Variants in MYO6 observed in about 807,000 individuals in gnomAD.
The protein encoded by MYO6 is unconventional myosin-VI.
In MYO6, 74 loss-of-function variants were observed where a neutral mutation model predicts 178.7. The ratio of observed to expected loss-of-function variants is 0.41; its 90% CI spans 0.34 to 0.50. MYO6 has a LOEUF of 0.50. MYO6 is among the 20% of genes least tolerant of loss of function. The pLI is 0.09. For synonymous variants in MYO6, 477 were observed against 504.6 expected, an observed-to-expected ratio of 0.95 and a Z score of 0.73; for missense variants, 1,330 against 1,547.4, an observed-to-expected ratio of 0.86 and a Z score of 2.36.
intron 2 of MYO6, among the ~76,000 whole-genome samples, chr6:75,820,898 CTA>C (rs1312708007): frequency 6.6e-6 from 1 of 152,114 alleles, no homozygotes; most frequent in Non-Finnish European, 1.5e-5. Flanking sequence ...CCCTACTAGA[CTA>C]TGTAATCTTC....
Position 75,895,257 on chromosome 6 carries a change from C to T in MYO6, c.3134C>T (p.Thr1045Ile), listed in dbSNP as rs765061352. 2.7e-5 allele frequency: 43 copies of T among 1,605,616 alleles called. No homozygotes were observed. Among genetic ancestry groups the T allele is most frequent in the Admixed American group, 6.7e-5 (4 of 59,922 alleles). Residue 1045 changes from threonine (T) to isoleucine (I), a missense_variant, in exon 29 of 35, where the codon ACA (threonine) becomes ATA (isoleucine). Thr to Ile is a moderately conservative substitution (Grantham distance 89, BLOSUM62 -1). Around this residue, in one of 3 missense-constraint regions of MYO6, gnomAD observed 601 missense variants for 626.1 expected, o/e 0.96. Coordinates refer to ENST00000369977, the MANE Select transcript of MYO6 (RefSeq NM_004999.4). ...AATGATGGAACAAGACCCAAAATGACACCGTATGTCACTTACCTTTACCTT... is the reference window on the plus strand; with the variant it reads ...AATGATGGAACAAGACCCAAAATGATACCGTATGTCACTTACCTTTACCTT... ...RRNDGTRPKMTPEQMAKEMSE... is the reference protein window; with the variant it reads ...RRNDGTRPKMIPEQMAKEMSE...
chr6:75,883,204 T>C (rs186735448), intron 23 of MYO6, among the ~76,000 whole-genome samples: 1 of 149,956 alleles, frequency 6.7e-6, no homozygotes, highest in Admixed American at 6.6e-5. Flanking sequence ...AATTAAAAAA[T>C]GCTAACAATT....
chr6:75,806,239 T>C (rs1043806498), intron 1 of MYO6, among the ~76,000 whole-genome samples: 3 of 151,932 alleles, frequency 2.0e-5, no homozygotes, highest in Non-Finnish European at 2.9e-5. Flanking sequence ...ACAAAAAAAT[T>C]AGCTGGATGT....
At chr6:75,758,441 G>T (rs1056114426) in intron 1 of MYO6, among the ~76,000 whole-genome samples, 1 of 151,998 alleles carries the variant, frequency 6.6e-6, no homozygotes, top group African/African-American at 2.4e-5. Context: ...AAATTAGATT[G>T]TAATGACTGT....
At chr6:75,829,264 A>G (rs879705889) in intron 4 of MYO6, among the ~76,000 whole-genome samples, 1 of 152,308 alleles carries the variant, frequency 6.6e-6, no homozygotes. Context: ...TTAACCTAGT[A>G]TGTTTTAATT....
intron 31 of MYO6, 22 bp downstream of exon 31, chr6:75,907,730 A>G (rs1241534246): frequency 6.4e-7 from 1 of 1,572,536 alleles, no homozygotes; most frequent in Non-Finnish European, 8.7e-7. Context: ...GAGAAGATCA[A>G]AAATAGAAAA....
intron 1 of MYO6, among the ~76,000 whole-genome samples, chr6:75,756,521 T>G (rs1480053851): frequency 6.6e-6 from 1 of 151,900 alleles, no homozygotes; most frequent in African/African-American, 2.4e-5. Flanking sequence ...GTAGTAGAGG[T>G]GGGGTTTCAC....
intron 1 of MYO6, among the ~76,000 whole-genome samples, chr6:75,803,801 A>G (rs80084625): frequency 0.016 from 2,454 of 152,324 alleles, 65 homozygotes; most frequent in African/African-American, 0.056. Flanking sequence ...ATGTTCAATT[A>G]ATACTATATC....
Position 75,908,396 on chromosome 6 carries a change from A to G in MYO6, c.3281-100A>G. 8 of 1,166,932 alleles carry G rather than the reference A, an allele frequency of 6.9e-6. No individual in the cohort carries two copies. In the South Asian group the frequency reaches 1.1e-4, roughly 16 times the overall value. The allele number at this position is 1,166,932 out of a possible 1,614,324, so 72.3% of individuals were successfully genotyped here. On this transcript the variant is annotated intron_variant, in intron 31 of 34. Transcript: ENST00000369977. ...TTTTGATTTTGTACCATTAATTTAA[A>G]AATAAAAAAATCTCCTTATGCGACA...
intron 1 of MYO6, among the ~76,000 whole-genome samples, chr6:75,794,305 A>G (rs1022006995): frequency 1.3e-5 from 2 of 152,194 alleles, no homozygotes; most frequent in African/African-American, 4.8e-5. Flanking sequence ...GTGCTTCCAG[A>G]CTAAACATGT....
chr6:75,866,440 T>C, intron 16 of MYO6, 86 bp from the exon 17 acceptor site: 1 of 1,050,978 alleles, frequency 9.5e-7, no homozygotes, highest in African/African-American at 1.6e-5. Context: ...TAATTTTAAG[T>C]GTTTTACATC....
chr6:75,886,969 T>C lies in MYO6; in HGVS notation c.2633T>C (p.Ile878Thr), dbSNP rs762854948. Residue 878 changes from isoleucine to threonine, a missense_variant, in exon 25 of 35, where the codon ATT becomes ACT. Coordinates refer to ENST00000369977, the MANE Select transcript of MYO6 (RefSeq NM_004999.4). ...NKQIKNLEIS[I>T]DTLMAKIKST... ...CAGATCAAGAATCTGGAAATTTCTATTGATACTTTGATGGCCAAAATTAAG... is the reference window on the plus strand; with the variant it reads ...CAGATCAAGAATCTGGAAATTTCTACTGATACTTTGATGGCCAAAATTAAG... The C allele has an allele frequency of 2.5e-6, 4 of 1,613,766 alleles. No individual in the cohort carries two copies. The highest frequency in any genetic ancestry group is 2.5e-6 in the Non-Finnish European group (3 of 1,179,814).
At chr6:75,870,829 T>C (rs543407029) in intron 19 of MYO6, 144 bp downstream of exon 19, 32 of 617,458 alleles carry the variant, frequency 5.2e-5, no homozygotes, top group Admixed American at 1.6e-4. Flanking sequence ...TAGTTTTTTT[T>C]CTGAAGAAAG....
chr6:75,770,499 C>CA (rs1765769915), intron 1 of MYO6, among the ~76,000 whole-genome samples: 1 of 152,142 alleles, frequency 6.6e-6, no homozygotes, highest in African/African-American at 2.4e-5. Context: ...TGTTTTGAGA[C>CA]AGAGTCTCAC....
Position 75,855,214 on chromosome 6 carries a change from A to G in MYO6, c.1154A>G (p.Asp385Gly), listed in dbSNP as rs960618034. ...CAELLGLDQDDLRVSLTTRVM... is the reference protein window; with the variant it reads ...CAELLGLDQDGLRVSLTTRVM... Reference sequence around the variant, plus strand: ...GAATTACTGGGTTTGGACCAAGATGATCTTCGAGTAAGTTTGACCACAAGA... The same window carrying G: ...GAATTACTGGGTTTGGACCAAGATGGTCTTCGAGTAAGTTTGACCACAAGA... Residue 385 changes from aspartate to glycine, a missense_variant, in exon 12 of 35, where the codon GAT becomes GGT. By Grantham distance (94) the Asp-to-Gly change is moderately conservative. Transcript: ENST00000369977. 3.3e-5 allele frequency: 53 copies of G among 1,613,540 alleles called. No homozygotes were observed. Among genetic ancestry groups the G allele is most frequent in the Non-Finnish European group, 4.2e-5 (49 of 1,179,714 alleles).
intron 1 of MYO6, among the ~76,000 whole-genome samples, chr6:75,771,114 C>T (rs945764477): frequency 6.6e-6 from 1 of 151,796 alleles, no homozygotes; most frequent in Admixed American, 6.6e-5. Context: ...GTGATCCTCC[C>T]GCCTCAGCCC....
chr6:75,804,065 C>T (rs958797583), intron 1 of MYO6, among the ~76,000 whole-genome samples: 4 of 152,136 alleles, frequency 2.6e-5, no homozygotes, highest in Non-Finnish European at 5.9e-5. Flanking sequence ...GACTAATGTT[C>T]ATGCTTTTGG....
rs531837607 is a variant in MYO6, at chr6:75,847,661, A to G, written c.898-690A>G. Among the ~76,000 whole-genome samples, 51 of 152,184 alleles carry G rather than the reference A, an allele frequency of 3.4e-4. 2 individuals are homozygous for G. In the South Asian group the frequency reaches 0.01, roughly 30 times the overall value. On this transcript the variant is annotated intron_variant, in intron 10 of 34. Coordinates refer to ENST00000369977, the MANE Select transcript of MYO6 (RefSeq NM_004999.4). The stretch of plus-strand genomic sequence containing the variant: ...AATTATTAGAGTAAGTATAATGCTT[A>G]CTAATATACTTTACCATATATATAT...
At chr6:75,891,178 G>T (rs1778873845) in intron 26 of MYO6, 50 bp from the exon 27 acceptor site, 12 of 1,283,184 alleles carry the variant, frequency 9.4e-6, no homozygotes, top group Non-Finnish European at 1.3e-5. Flanking sequence ...CCTTCTGAAG[G>T]ATTCTTTATT....
Sources: allele counts gnomAD v4.1 joint callset (sites outside exome capture counted in the v4.1 genomes callset), GRCh38; gene constraint gnomAD v4.1.1; regional missense constraint gnomAD v4.1.1; transcripts MANE v1.5; gene names NCBI Gene and HGNC (gene_info 2026-07-23, HGNC 2026-07-21).